Variants in MYO16 observed in about 807,000 individuals in gnomAD.
MYO16 encodes the protein myosin XVI, also known as unconventional myosin-XVI.
MYO16 carries 94 observed loss-of-function variants against 205.3 expected under a neutral mutation model. That is an observed-to-expected ratio of 0.46 (90% confidence interval 0.39 to 0.54). The LOEUF is 0.54. MYO16 is among the 20% of genes least tolerant of loss of function. The probability of loss-of-function intolerance (pLI) is 0.00; values close to 1 mark genes in which losing one functional copy is unlikely to be tolerated. For synonymous variants in MYO16, 988 were observed against 954.0 expected (o/e 1.04, Z -0.66); for missense variants, 2,315 against 2,387.5 (o/e 0.97, Z 0.63).
rs567944161 is a variant in MYO16 at position 109,192,499 on chromosome 13, T to C, written c.5415+12866T>C. ...AGCCCAGAGTCACAGTGGCAGATGC[T>C]GTGCCTGCCAAATTCATGCCTTCTT... On this transcript the variant is annotated intron_variant, in intron 34 of 34. Coordinates refer to ENST00000457511, the MANE Select transcript of MYO16 (RefSeq NM_001198950.3). 1.3e-3 allele frequency among the ~76,000 whole-genome samples: 199 copies of C among 152,314 alleles called. 2 individuals are homozygous for C. Among genetic ancestry groups the C allele is most frequent in the African/African-American group, 4.5e-3 (185 of 41,566 alleles).
At chr13:108,740,740 C>G (rs1237727686) in intron 4 of MYO16, among the ~76,000 whole-genome samples, 1 of 152,176 alleles carries the variant, frequency 6.6e-6, no homozygotes, top group Non-Finnish European at 1.5e-5. Context: ...GAGGTGGAGT[C>G]TACAAAGGCA....
chr13:108,694,883 C>T (rs8000116), intron 2 of MYO16, among the ~76,000 whole-genome samples: 71,488 of 151,936 alleles, frequency 0.47, 17,206 homozygotes, highest in East Asian at 0.65. Context: ...GAGGCTGAGG[C>T]GGGTGGATCA....
intron 31 of MYO16, among the ~76,000 whole-genome samples, chr13:109,137,203 C>T (rs993967922): frequency 1.3e-5 from 2 of 152,132 alleles, no homozygotes; most frequent in African/African-American, 4.8e-5. Context: ...ACATGGAAGT[C>T]AGGGCTACCT....
the MYO16 span, among the ~76,000 whole-genome samples, chr13:108,590,054 C>T: frequency 6.6e-6 from 1 of 152,104 alleles, no homozygotes; most frequent in South Asian, 2.1e-4. Context: ...CCATATTATA[C>T]TGCTTTTTTA....
intron 27 of MYO16, among the ~76,000 whole-genome samples, chr13:109,057,720 C>A (rs1030125568): frequency 1.3e-5 from 2 of 151,890 alleles, no homozygotes; most frequent in African/African-American, 4.8e-5. Flanking sequence ...GCCTTTGGTT[C>A]GAGTTTAAAA....
intron 16 of MYO16, among the ~76,000 whole-genome samples, chr13:108,947,336 C>T (rs535145448): frequency 5.3e-5 from 8 of 152,224 alleles, no homozygotes; most frequent in East Asian, 1.9e-4. Context: ...TGTGCATGCG[C>T]GCTGCCCTCT....
intron 7 of MYO16, among the ~76,000 whole-genome samples, chr13:108,810,146 T>C (rs572389071): frequency 6.6e-6 from 1 of 152,372 alleles, no homozygotes; most frequent in South Asian, 2.1e-4. Flanking sequence ...TTTTATCCTC[T>C]GCTTCGCTAG....
chr13:109,045,388 G>T (rs886484684), intron 23 of MYO16, among the ~76,000 whole-genome samples: 22 of 152,164 alleles, frequency 1.4e-4, no homozygotes, highest in African/African-American at 4.8e-4. Flanking sequence ...ATTGCTCTAG[G>T]TTGTATAAAT....
intron 25 of MYO16, among the ~76,000 whole-genome samples, chr13:109,053,049 G>A (rs1004530311): frequency 5.3e-5 from 8 of 152,128 alleles, no homozygotes; most frequent in African/African-American, 1.9e-4. Flanking sequence ...ACTCAGTGAA[G>A]AGTTGTTTCA....
chr13:108,736,297 A>C lies in MYO16; in HGVS notation c.507+8714A>C, dbSNP rs1454196956. On this transcript the variant is annotated intron_variant, in intron 4 of 34. Transcript: ENST00000457511. The stretch of plus-strand genomic sequence containing the variant: ...TTTTAGGTCTAACATTGAAGTCTTT[A>C]ATCCATCTCGAATTAATTTTTGTAT... Among the ~76,000 whole-genome samples the C allele has an allele frequency of 3.9e-5, 6 of 152,292 alleles. No individual in the cohort carries two copies. The East Asian group carries it at 1.2e-3, about 29-fold the overall frequency.
intron 1 of MYO16, among the ~76,000 whole-genome samples, chr13:108,605,693 C>T (rs1412156201): frequency 6.6e-6 from 1 of 152,252 alleles, no homozygotes; most frequent in South Asian, 2.1e-4. Context: ...TTAATTAAAC[C>T]TCTTTCCTTT....
intron 31 of MYO16, among the ~76,000 whole-genome samples, chr13:109,135,719 A>G (rs1238739409): frequency 6.6e-6 from 1 of 152,248 alleles, no homozygotes; most frequent in African/African-American, 2.4e-5. Context: ...CTTTCAGTGT[A>G]AACTGATAAC....
intron 12 of MYO16, among the ~76,000 whole-genome samples, chr13:108,879,962 G>T (rs1051472240): frequency 8.5e-5 from 13 of 152,166 alleles, no homozygotes; most frequent in African/African-American, 3.1e-4. Flanking sequence ...GGTTGAACTA[G>T]TTTACAGTCC....
intron 34 of MYO16, among the ~76,000 whole-genome samples, chr13:109,202,362 A>C (rs940245885): frequency 6.6e-6 from 1 of 152,066 alleles, no homozygotes; most frequent in African/African-American, 2.4e-5. Context: ...CTATGCCAAC[A>C]TTTATTATTT....
At chr13:109,110,569 G>C (rs1447011247) in intron 28 of MYO16, among the ~76,000 whole-genome samples, 1 of 152,112 alleles carries the variant, frequency 6.6e-6, no homozygotes, top group African/African-American at 2.4e-5. Flanking sequence ...TTAAACTTCA[G>C]GAATAGTCTA....
intron 27 of MYO16, among the ~76,000 whole-genome samples, chr13:109,089,497 G>A (rs9521171): frequency 0.21 from 32,011 of 151,952 alleles, 3,572 homozygotes; most frequent in East Asian, 0.42. Flanking sequence ...TTACAGACAT[G>A]AGCCACCGCA....
intron 3 of MYO16, among the ~76,000 whole-genome samples, chr13:108,719,471 C>T (rs762718463): frequency 1.6e-4 from 25 of 152,132 alleles, no homozygotes; most frequent in African/African-American, 2.6e-4. Context: ...TCTACCGAGA[C>T]GGGCCAGCAG....
the MYO16 span, among the ~76,000 whole-genome samples, chr13:108,546,632 T>C: frequency 4.1e-4 from 62 of 152,190 alleles, no homozygotes; most frequent in African/African-American, 1.4e-3. Context: ...GCAGAGAAAA[T>C]ACTCACTACA....
At chr13:108,980,013 G>A (rs1884398926) in intron 20 of MYO16, among the ~76,000 whole-genome samples, 1 of 151,990 alleles carries the variant, frequency 6.6e-6, no homozygotes, top group South Asian at 2.1e-4. Flanking sequence ...GTAGCTTATT[G>A]ACCCAATAAA....
Sources: allele counts gnomAD v4.1 joint callset (sites outside exome capture counted in the v4.1 genomes callset), GRCh38; gene constraint gnomAD v4.1.1; transcripts MANE v1.5; gene names NCBI Gene and HGNC (gene_info 2026-07-23, HGNC 2026-07-21).